The following SH3PXD2A variants were observed in gnomAD, a reference collection of about 807,000 sequenced individuals.
SH3PXD2A encodes the protein SH3 and PX domains 2A, also known as SH3 and PX domain-containing protein 2A.
Under a neutral mutation model 115.2 loss-of-function variants are expected in SH3PXD2A, and 32 were observed. The ratio of observed to expected loss-of-function variants is 0.28; its 90% CI spans 0.21 to 0.37. The LOEUF (loss-of-function observed/expected upper bound fraction) is 0.37. SH3PXD2A is among the 10% of genes least tolerant of loss of function. SH3PXD2A has a pLI of 1.00. For synonymous variants in SH3PXD2A, 610 were observed against 629.1 expected (o/e 0.97, Z 0.45); for missense variants, 1,328 against 1,498.7 (o/e 0.89, Z 1.88).
intron 1 of SH3PXD2A, among the ~76,000 whole-genome samples, chr10:103,848,413 C>T (rs984114532): frequency 1.3e-5 from 2 of 152,132 alleles, no homozygotes; most frequent in Admixed American, 6.5e-5. Context: ...GCAAAAACAG[C>T]GCTGGAGCCC....
At chr10:103,766,803 C>T (rs888587583) in intron 3 of SH3PXD2A, among the ~76,000 whole-genome samples, 4 of 152,192 alleles carry the variant, frequency 2.6e-5, no homozygotes, top group Non-Finnish European at 5.9e-5. Flanking sequence ...AGAACTTGGT[C>T]TCTCTGTGCT....
At chr10:103,670,351 T>A (rs1315134663) in intron 6 of SH3PXD2A, among the ~76,000 whole-genome samples, 2 of 152,218 alleles carry the variant, frequency 1.3e-5, no homozygotes, top group African/African-American at 4.8e-5. Context: ...TATACTTACC[T>A]TCTGGGTTGC....
chr10:103,653,036 G>A (rs2037153021), intron 8 of SH3PXD2A, among the ~76,000 whole-genome samples: 1 of 152,156 alleles, frequency 6.6e-6, no homozygotes, highest in South Asian at 2.1e-4. Flanking sequence ...ACACCTCAGT[G>A]GTGTCTTTCC....
At chr10:103,621,111 G>A (rs2036596666) in intron 10 of SH3PXD2A, among the ~76,000 whole-genome samples, 1 of 152,190 alleles carries the variant, frequency 6.6e-6, no homozygotes, top group Non-Finnish European at 1.5e-5. Flanking sequence ...GGATGTGACA[G>A]GGCGCACAGT....
At chr10:103,794,177 G>C (rs2039064347) in intron 2 of SH3PXD2A, among the ~76,000 whole-genome samples, 1 of 152,196 alleles carries the variant, frequency 6.6e-6, no homozygotes. Flanking sequence ...TGTGACCCCA[G>C]GGTGGGGTGC....
intron 1 of SH3PXD2A, among the ~76,000 whole-genome samples, chr10:103,837,993 T>C (rs145175072): frequency 1.1e-3 from 174 of 152,250 alleles, no homozygotes; most frequent in African/African-American, 4.0e-3. Flanking sequence ...GGATGCCTCA[T>C]GGTGTCTCTG....
intron 1 of SH3PXD2A, among the ~76,000 whole-genome samples, chr10:103,828,810 C>T (rs1257261408): frequency 6.6e-6 from 1 of 152,216 alleles, no homozygotes; most frequent in Non-Finnish European, 1.5e-5. Flanking sequence ...CTCCTCCTAA[C>T]CTCTCCCCCA....
At chr10:103,646,281 G>T (rs2037035194) in intron 8 of SH3PXD2A, among the ~76,000 whole-genome samples, 1 of 152,114 alleles carries the variant, frequency 6.6e-6, no homozygotes, top group Middle Eastern at 3.4e-3. Context: ...TGTCTCTTTT[G>T]CCTCTGGGAA....
Position 103,675,162 on chromosome 10 carries a change from G to A in SH3PXD2A, c.428-6510C>T, listed in dbSNP as rs906009191. ...TGCTCCTACACTCAGAGCCTCCAAG[G>A]CAGAGCTGGCTTCGTGGAGGTGTGA... On this transcript the variant is annotated intron_variant, in intron 6 of 14. Coordinates refer to ENST00000369774, the MANE Select transcript of SH3PXD2A (RefSeq NM_001394015.1). Among the ~76,000 whole-genome samples, 9 of 152,330 alleles carry A rather than the reference G, an allele frequency of 5.9e-5. No homozygotes were observed. In the East Asian group the frequency reaches 1.5e-3, roughly 26 times the overall value.
At position 103,599,621 on chromosome 10, in the gene SH3PXD2A, A is replaced by G. The variant is rs1243977351; in HGVS notation, c.*2195T>C. ...AAAAGTATATACTGCATCTTTAAGT[A>G]ATGCACTTTGCTCTCTGGGTTTTTT... On this transcript the variant is annotated 3_prime_UTR_variant, in exon 15 of 15. Coordinates refer to ENST00000369774, the MANE Select transcript of SH3PXD2A (RefSeq NM_001394015.1). 6.5e-6 allele frequency: 1 copy of G among 152,676 alleles called. No individual in the cohort carries two copies. The highest frequency in any genetic ancestry group is 1.5e-5 in the Non-Finnish European group (1 of 68,050). 9.5% of individuals were successfully genotyped at this position (152,676 alleles called of 1,614,324 possible).
intron 10 of SH3PXD2A, among the ~76,000 whole-genome samples, chr10:103,619,349 G>A (rs932297528): frequency 7.2e-5 from 11 of 152,160 alleles, no homozygotes; most frequent in Admixed American, 2.6e-4. Context: ...GAGGGGCAGC[G>A]CCAGGCTCCG....
chr10:103,631,477 T>C (rs530081935), intron 8 of SH3PXD2A, among the ~76,000 whole-genome samples: 22 of 152,270 alleles, frequency 1.4e-4, no homozygotes, highest in East Asian at 5.8e-4. Flanking sequence ...CTGCAGATGG[T>C]TGGGGGGACT....
intron 1 of SH3PXD2A, among the ~76,000 whole-genome samples, chr10:103,828,776 T>C (rs562255795): frequency 1.3e-5 from 2 of 152,326 alleles, no homozygotes; most frequent in South Asian, 4.1e-4. Context: ...ACAAAGACTG[T>C]TTGTGTTCTG....
At chr10:103,741,832 C>T (rs1262838361) in intron 3 of SH3PXD2A, among the ~76,000 whole-genome samples, 1 of 152,228 alleles carries the variant, frequency 6.6e-6, no homozygotes, top group East Asian at 1.9e-4. Context: ...CAAATTACCA[C>T]AAACCCAGTG....
At chr10:103,640,312 C>T (rs1264377679) in intron 8 of SH3PXD2A, among the ~76,000 whole-genome samples, 2 of 124,906 alleles carry the variant, frequency 1.6e-5, no homozygotes, top group African/African-American at 3.3e-5. Flanking sequence ...GTGACTCCAT[C>T]TAAAAAAATT....
chr10:103,743,538 C>G (rs2038466688), intron 3 of SH3PXD2A, among the ~76,000 whole-genome samples: 1 of 149,890 alleles, frequency 6.7e-6, no homozygotes, highest in East Asian at 1.9e-4. Flanking sequence ...CACACAACAC[C>G]CGACTACATT....
intron 12 of SH3PXD2A, among the ~76,000 whole-genome samples, chr10:103,611,844 G>A (rs1458493106): frequency 6.6e-6 from 1 of 152,152 alleles, no homozygotes; most frequent in African/African-American, 2.4e-5. Flanking sequence ...GTGCTTCCAG[G>A]GGATCTATGA....
chr10:103,701,642 C>G (rs959310444), intron 5 of SH3PXD2A, among the ~76,000 whole-genome samples: 3 of 150,104 alleles, frequency 2.0e-5, no homozygotes, highest in Admixed American at 6.6e-5. Flanking sequence ...ATCCATCCAT[C>G]ATCTATCCAT....
Position 103,602,190 on chromosome 10 carries a change from G to A in SH3PXD2A, c.3028C>T (p.Arg1010Ter). ...NESLTATDGL[R>*]GVRRNSSFST... ...AAGGAGGAGTTCCGTCGGACGCCTC[G>A]GAGGCCATCAGTGGCCGTGAGTGAC... Residue 1010 changes from arginine to a stop codon, truncating the protein, a stop_gained, in exon 15 of 15, where the codon CGA becomes TGA. Coordinates refer to ENST00000369774, the MANE Select transcript of SH3PXD2A (RefSeq NM_001394015.1). LOFTEE classifies it high-confidence loss of function. 1.3e-6 allele frequency: 2 copies of A among 1,581,874 alleles called. No homozygotes were observed. The highest frequency in any genetic ancestry group is 1.7e-6 in the Non-Finnish European group (2 of 1,162,184).
Sources: gnomAD v4.1 joint callset for allele counts (sites outside exome capture counted in the v4.1 genomes callset) on GRCh38, gnomAD v4.1.1 for gene constraint, MANE v1.5 for transcripts, NCBI Gene and HGNC (gene_info 2026-07-23, HGNC 2026-07-21) for gene names.